Variants in CDH12 observed in about 807,000 individuals in gnomAD.
CDH12 encodes the protein cadherin 12.
A neutral mutation model predicts 74.1 loss-of-function variants in CDH12; 41 were observed. That is an observed-to-expected ratio of 0.55 (90% CI 0.43 to 0.72). The LOEUF is 0.72. Among genes scored for constraint, CDH12 ranks in the 30% least tolerant of loss-of-function variants. The pLI, the probability that CDH12 is intolerant of heterozygous loss-of-function variation, is 0.00. For missense variants in CDH12, 945 were observed against 977.2 expected (o/e 0.97, Z 0.44); for synonymous variants, 399 against 355.0 (o/e 1.12, Z -1.39).
chr5:22,123,825 C>T (rs1362879566), intron 4 of CDH12, among the ~76,000 whole-genome samples: 1 of 152,088 alleles, frequency 6.6e-6, no homozygotes, highest in Non-Finnish European at 1.5e-5. Context: ...AGGTCAACCA[C>T]ATTAGGAAAT....
chr5:22,656,589 T>A (rs1226124407), intron 1 of CDH12, among the ~76,000 whole-genome samples: 1 of 152,160 alleles, frequency 6.6e-6, no homozygotes, highest in Non-Finnish European at 1.5e-5. Flanking sequence ...ATATGTAAAT[T>A]GATTTAAAAA....
rs200484743 is a variant in CDH12, at chr5:22,636,821, G to A, written c.-522-131457C>T. 2.6e-5 allele frequency among the ~76,000 whole-genome samples: 4 copies of A among 151,600 alleles called. No homozygotes were observed. The East Asian group carries it at 7.8e-4, about 29-fold the overall frequency. On this transcript the variant is annotated intron_variant, in intron 1 of 14. Transcript: ENST00000382254. Reference sequence around the variant, plus strand: ...ACTGGTTGAAGCCATTTTATGGCTTGTGAATTATATCTCAATAAAATGTCT... The same window carrying A: ...ACTGGTTGAAGCCATTTTATGGCTTATGAATTATATCTCAATAAAATGTCT...
chr5:22,066,659 G>A (rs1281881915), intron 5 of CDH12, among the ~76,000 whole-genome samples: 1 of 152,136 alleles, frequency 6.6e-6, no homozygotes, highest in East Asian at 1.9e-4. Flanking sequence ...GTAATTGAGG[G>A]AAAGTCCAAG....
At position 21,936,642 on chromosome 5, in the gene CDH12, G is replaced by A. The variant is rs11957185; in HGVS notation, c.526+38449C>T. 8.1e-3 allele frequency among the ~76,000 whole-genome samples: 1,231 copies of A among 152,248 alleles called. 18 individuals carry two copies. The highest frequency in any genetic ancestry group is 0.028 in the African/African-American group (1,171 of 41,546). On this transcript the variant is annotated intron_variant, in intron 6 of 14. Transcript: ENST00000382254. ...ATGTCAATCTACTTTGCGTTGTAAG[G>A]AAAATCTTGGCAAAGAAGATACATG...
At chr5:22,399,862 T>C (rs1742638654) in intron 3 of CDH12, among the ~76,000 whole-genome samples, 1 of 152,232 alleles carries the variant, frequency 6.6e-6, no homozygotes, top group Admixed American at 6.5e-5. Context: ...CCTACTTGTA[T>C]AGGAGATATT....
intron 6 of CDH12, among the ~76,000 whole-genome samples, chr5:21,955,333 A>G (rs1442238160): frequency 3.3e-5 from 5 of 151,950 alleles, no homozygotes; most frequent in Non-Finnish European, 7.4e-5. Context: ...TTAATTAGAA[A>G]AAGGCAAATT....
At position 21,995,147 on chromosome 5, in the gene CDH12, G is replaced by T. The variant is rs183159921; in HGVS notation, c.232-19762C>A. Among the ~76,000 whole-genome samples the T allele has an allele frequency of 2.2e-3, 340 of 152,084 alleles. 1 individual carries two copies. Among genetic ancestry groups the T allele is most frequent in the Middle Eastern group, 6.8e-3 (2 of 294 alleles). ...AAGGAACAAACTCCGGACACACCAC[G>T]TTTAAGAACTGGAACACTCACCGCG... On this transcript the variant is annotated intron_variant, in intron 5 of 14. Coordinates refer to ENST00000382254, the MANE Select transcript of CDH12 (RefSeq NM_004061.5).
intron 5 of CDH12, among the ~76,000 whole-genome samples, chr5:21,981,966 G>A (rs1174651265): frequency 1.3e-5 from 2 of 152,150 alleles, no homozygotes; most frequent in Admixed American, 1.3e-4. Flanking sequence ...GAGACACCCT[G>A]TGTGGCCAGG....
chr5:22,393,982 G>A (rs1742352581), intron 3 of CDH12, among the ~76,000 whole-genome samples: 1 of 151,936 alleles, frequency 6.6e-6, no homozygotes, highest in African/African-American at 2.4e-5. Context: ...ACTGCTTATT[G>A]AAAACTGTGA....
chr5:22,265,309 C>T (rs930704802), intron 3 of CDH12, among the ~76,000 whole-genome samples: 10 of 152,126 alleles, frequency 6.6e-5, no homozygotes, highest in Non-Finnish European at 1.2e-4. Flanking sequence ...GATTATAACA[C>T]GAACACTTTC....
chr5:22,389,734 G>A (rs1028376112), intron 3 of CDH12, among the ~76,000 whole-genome samples: 6 of 148,974 alleles, frequency 4.0e-5, no homozygotes, highest in East Asian at 4.0e-4. Context: ...TGCAAGCTCC[G>A]CCTCCCGGGT....
intron 3 of CDH12, among the ~76,000 whole-genome samples, chr5:22,355,162 A>G (rs541261060): frequency 1.7e-5 from 2 of 118,814 alleles, no homozygotes; most frequent in Non-Finnish European, 4.2e-5. Flanking sequence ...TCATCTGGGT[A>G]TCATAATGAC....
chr5:22,654,158 T>C (rs1482580985), intron 1 of CDH12, among the ~76,000 whole-genome samples: 1 of 150,446 alleles, frequency 6.6e-6, no homozygotes, highest in East Asian at 2.0e-4. Flanking sequence ...TCTTCCTTCC[T>C]TCCCTCCCTT....
chr5:22,117,596 A>G (rs1242759579), intron 4 of CDH12, among the ~76,000 whole-genome samples: 1 of 137,342 alleles, frequency 7.3e-6, no homozygotes, highest in Admixed American at 7.9e-5. Context: ...TTGGTCCTTG[A>G]TTTTAAAAGC....
At chr5:22,757,728 G>T (rs1362021937) in intron 1 of CDH12, among the ~76,000 whole-genome samples, 1 of 152,100 alleles carries the variant, frequency 6.6e-6, no homozygotes, top group East Asian at 1.9e-4. Context: ...AGTGACCTTG[G>T]ATTGTCAGCT....
intron 5 of CDH12, among the ~76,000 whole-genome samples, chr5:22,075,410 C>T (rs549161019): frequency 4.0e-5 from 6 of 151,644 alleles, no homozygotes; most frequent in Non-Finnish European, 8.8e-5. Context: ...ATGTATACAT[C>T]TGTAACAAAC....
chr5:22,748,818 A>G (rs1199513721), intron 1 of CDH12, among the ~76,000 whole-genome samples: 1 of 152,192 alleles, frequency 6.6e-6, no homozygotes, highest in Non-Finnish European at 1.5e-5. Flanking sequence ...CATTTTAGTG[A>G]GAACATAAAC....
chr5:21,935,726 C>T (rs1755046682), intron 6 of CDH12, among the ~76,000 whole-genome samples: 2 of 152,136 alleles, frequency 1.3e-5, no homozygotes, highest in Non-Finnish European at 1.5e-5. Context: ...TATTAGTCTG[C>T]CCCGCTTTCC....
In CDH12 at chr5:22,337,123, G is replaced by A. The variant is rs1286545795; in HGVS notation, c.-333+68134C>T. Among the ~76,000 whole-genome samples, 5 of 152,210 alleles carry A rather than the reference G, an allele frequency of 3.3e-5. No homozygotes were observed. The South Asian group carries it at 1.0e-3, about 32-fold the overall frequency. On this transcript the variant is annotated intron_variant, in intron 3 of 14. Coordinates refer to ENST00000382254, the MANE Select transcript of CDH12 (RefSeq NM_004061.5). ...TGGCATTCAGACTTGCATGGGGCCT[G>A]TAGCCCCTTTGTTTTGGCCAATTTC...
Sources: gnomAD v4.1 joint callset for allele counts (sites outside exome capture counted in the v4.1 genomes callset) on GRCh38, gnomAD v4.1.1 for gene constraint, MANE v1.5 for transcripts, NCBI Gene and HGNC (gene_info 2026-07-23, HGNC 2026-07-21) for gene names.